Variants in KCNH5 observed in about 807,000 individuals in gnomAD.
KCNH5 encodes potassium voltage-gated channel subfamily H member 5, also known as voltage-gated delayed rectifier potassium channel KCNH5.
In KCNH5, 46 loss-of-function variants were observed where a neutral mutation model predicts 96.1. That is an observed-to-expected ratio of 0.48 (90% CI 0.38 to 0.61). The LOEUF (loss-of-function observed/expected upper bound fraction) is 0.61. KCNH5 is among the 20% of genes least tolerant of loss of function. The probability of loss-of-function intolerance (pLI) is 0.00; values close to 1 mark genes in which losing one functional copy is unlikely to be tolerated. For synonymous variants in KCNH5, 439 were observed against 449.8 expected (o/e 0.98, Z 0.30); for missense variants, 907 against 1,225.8 (o/e 0.74, Z 3.88).
chr14:62,904,584 C>G (rs1888991300), intron 7 of KCNH5, among the ~76,000 whole-genome samples: 1 of 152,186 alleles, frequency 6.6e-6, no homozygotes, highest in Non-Finnish European at 1.5e-5. Flanking sequence ...ACTCAACACA[C>G]ACACACACGC....
intron 8 of KCNH5, among the ~76,000 whole-genome samples, chr14:62,824,890 T>C (rs1473070110): frequency 6.6e-6 from 1 of 152,058 alleles, no homozygotes; most frequent in East Asian, 1.9e-4. Flanking sequence ...TTAATTCACC[T>C]AGGATAATGG....
intron 2 of KCNH5, among the ~76,000 whole-genome samples, chr14:63,013,245 T>C (rs1473050243): frequency 1.3e-5 from 2 of 152,138 alleles, no homozygotes; most frequent in African/African-American, 4.8e-5. Context: ...CATTCAAAAC[T>C]GTGGCATGTA....
At chr14:63,009,986 C>T (rs947392303) in intron 2 of KCNH5, among the ~76,000 whole-genome samples, 1 of 152,102 alleles carries the variant, frequency 6.6e-6, no homozygotes, top group Non-Finnish European at 1.5e-5. Context: ...GAATATGTAA[C>T]GGAAATATTT....
intron 7 of KCNH5, among the ~76,000 whole-genome samples, chr14:62,904,478 A>ATGCC (rs1888988808): frequency 6.6e-6 from 1 of 152,062 alleles, no homozygotes; most frequent in Non-Finnish European, 1.5e-5. Flanking sequence ...CCACATACAC[A>ATGCC]TGCCCCTACC....
chr14:62,964,902 C>A (rs929426912), intron 6 of KCNH5, among the ~76,000 whole-genome samples: 2 of 150,236 alleles, frequency 1.3e-5, no homozygotes, highest in Non-Finnish European at 3.0e-5. Flanking sequence ...CAATCCCTCT[C>A]CCCTAGTGCA....
intron 9 of KCNH5, 65 bp downstream of exon 9, chr14:62,802,264 C>T (rs1426896722): frequency 1.1e-5 from 17 of 1,537,534 alleles, no homozygotes; most frequent in African/African-American, 5.5e-5. Context: ...TTTAAAAATG[C>T]GAAAAGCAAA....
chr14:62,997,551 A>G (rs532271171), intron 4 of KCNH5, among the ~76,000 whole-genome samples: 2 of 152,282 alleles, frequency 1.3e-5, no homozygotes, highest in Admixed American at 6.5e-5. Context: ...CCAGCCTTGC[A>G]TAAGTGGGAT....
chr14:62,764,992 G>T (rs934629194), intron 10 of KCNH5, among the ~76,000 whole-genome samples: 1 of 152,070 alleles, frequency 6.6e-6, no homozygotes, highest in Non-Finnish European at 1.5e-5. Flanking sequence ...AACTTCCAAT[G>T]ATATTTTTCA....
At chr14:62,938,134 G>A (rs1889720213) in intron 7 of KCNH5, among the ~76,000 whole-genome samples, 1 of 152,134 alleles carries the variant, frequency 6.6e-6, no homozygotes, top group Non-Finnish European at 1.5e-5. Context: ...TCCCAAATTA[G>A]ACCTTCACAG....
intron 4 of KCNH5, among the ~76,000 whole-genome samples, chr14:62,997,129 A>C (rs934832513): frequency 8.5e-5 from 13 of 152,218 alleles, no homozygotes; most frequent in African/African-American, 4.8e-5. Flanking sequence ...TAATAGTCAC[A>C]TCATGGAGAA....
At chr14:63,003,545 ATATAG>A (rs1891060698) in intron 3 of KCNH5, among the ~76,000 whole-genome samples, 1 of 100,350 alleles carries the variant, frequency 1.0e-5, no homozygotes, top group African/African-American at 3.9e-5. Flanking sequence ...TATATATTAT[ATATAG>A]TATATATTAT....
Position 62,815,214 on chromosome 14 carries a change from A to G in KCNH5, c.1570-12633T>C, listed in dbSNP as rs539541433. ...GAGTATACTCTATATCCATTTATAT[A>G]AAGTTCATAAATGCAAAACTCATTT... On this transcript the variant is annotated intron_variant, in intron 8 of 10. Coordinates refer to ENST00000322893, the MANE Select transcript of KCNH5 (RefSeq NM_139318.5). Among the ~76,000 whole-genome samples the G allele has an allele frequency of 8.3e-4, 127 of 152,320 alleles. 1 individual carries two copies. Among genetic ancestry groups the G allele is most frequent in the Non-Finnish European group, 1.5e-3 (104 of 68,026 alleles).
intron 7 of KCNH5, among the ~76,000 whole-genome samples, chr14:62,858,577 T>C (rs141554932): frequency 1.7e-4 from 26 of 152,286 alleles, no homozygotes; most frequent in Middle Eastern, 3.4e-3. Flanking sequence ...AATCTTAACT[T>C]CCAGTTTAAT....
intron 2 of KCNH5, among the ~76,000 whole-genome samples, chr14:63,014,472 C>G (rs999920300): frequency 2.6e-5 from 4 of 152,050 alleles, no homozygotes; most frequent in Non-Finnish European, 5.9e-5. Context: ...GAGCAAAGAG[C>G]TAATATAACA....
At chr14:63,038,439 CT>C (rs1891763368) in intron 1 of KCNH5, among the ~76,000 whole-genome samples, 2 of 152,070 alleles carry the variant, frequency 1.3e-5, no homozygotes, top group Admixed American at 1.3e-4. Flanking sequence ...AATTGCGTAT[CT>C]TTTGAGATCC....
In KCNH5 at chr14:63,036,326, G is replaced by A. The variant is rs142309968; in HGVS notation, c.73+8788C>T. On this transcript the variant is annotated intron_variant, in intron 1 of 10. Coordinates refer to ENST00000322893, the MANE Select transcript of KCNH5 (RefSeq NM_139318.5). ...ATGAGTCAGTATAGTAAATGGGCAT[G>A]AATTAACTTACTCTGCACACAGCAC... Among the ~76,000 whole-genome samples the A allele has an allele frequency of 3.2e-3, 480 of 152,238 alleles. 2 individuals carry two copies. The highest frequency in any genetic ancestry group is 7.4e-3 in the Admixed American group (113 of 15,290).
At position 62,821,204 on chromosome 14, in the gene KCNH5, A is replaced by G. The variant is rs920538767; in HGVS notation, c.1570-18623T>C. On this transcript the variant is annotated intron_variant, in intron 8 of 10. Transcript: ENST00000322893. Reference sequence around the variant, plus strand: ...TATGTGCAGCCAACAATCATATGGGAAAAAAAAAAGCTTTTCTTAAATAAC... The same window carrying G: ...TATGTGCAGCCAACAATCATATGGGGAAAAAAAAAGCTTTTCTTAAATAAC... Among the ~76,000 whole-genome samples the G allele has an allele frequency of 6.9e-5, 10 of 144,544 alleles. No individual in the cohort carries two copies. The South Asian group carries it at 1.3e-3, about 19-fold the overall frequency. The allele number at this position is 144,544 out of a possible 152,430, so 94.8% of individuals were successfully genotyped here.
At chr14:63,003,624 A>ATATAAAATTTT (rs1491457497) in intron 3 of KCNH5, among the ~76,000 whole-genome samples, 93 of 92,672 alleles carry the variant, frequency 1.0e-3, no homozygotes, top group African/African-American at 4.0e-3. Context: ...ATATATATAT[A>ATATAAAATTTT]TTTTTTTTTT....
chr14:62,852,925 A>G (rs1442787942), intron 7 of KCNH5, among the ~76,000 whole-genome samples: 2 of 152,142 alleles, frequency 1.3e-5, no homozygotes, highest in Non-Finnish European at 2.9e-5. Context: ...CTAACTCTCA[A>G]AATAATACCT....
Sources: allele counts gnomAD v4.1 joint callset (sites outside exome capture counted in the v4.1 genomes callset), GRCh38; gene constraint gnomAD v4.1.1; transcripts MANE v1.5; gene names NCBI Gene and HGNC (gene_info 2026-07-23, HGNC 2026-07-21).